Variants in ADAM22 observed in about 807,000 individuals in gnomAD.
The protein encoded by ADAM22 is ADAM metallopeptidase domain 22, also known as disintegrin and metalloproteinase domain-containing protein 22.
A neutral mutation model predicts 144.6 loss-of-function variants in ADAM22; 65 were observed. That is an observed-to-expected ratio of 0.45 (90% CI 0.37 to 0.55). The LOEUF is 0.55. Ranked by LOEUF, ADAM22 falls within the 20% of genes least tolerant of loss-of-function variation. The probability of loss-of-function intolerance (pLI) is 0.00; values close to 1 mark genes in which losing one functional copy is unlikely to be tolerated. For synonymous variants in ADAM22, 391 were observed against 412.6 expected (o/e 0.95, Z 0.63); for missense variants, 974 against 1,184.9 (o/e 0.82, Z 2.61).
intron 4 of ADAM22, among the ~76,000 whole-genome samples, chr7:88,106,214 C>T (rs553351890): frequency 1.3e-5 from 2 of 152,240 alleles, no homozygotes; most frequent in East Asian, 3.9e-4. Context: ...TGAAGTACCA[C>T]CCTATCTTCT....
intron 5 of ADAM22, among the ~76,000 whole-genome samples, chr7:88,113,743 A>ATATAT (rs1826951319): frequency 4.2e-5 from 2 of 47,274 alleles, no homozygotes; most frequent in Non-Finnish European, 8.7e-5. Context: ...TATATATAGT[A>ATATAT]AGTCCTAGAA....
rs1412825106 is a variant in ADAM22 at position 88,155,994 on chromosome 7, C to T, written c.1895C>T (p.Thr632Ile). 2 of 1,612,810 alleles carry T rather than the reference C, an allele frequency of 1.2e-6. No homozygotes were observed. Among genetic ancestry groups the T allele is most frequent in the South Asian group, 1.1e-5 (1 of 90,982 alleles). ...ACTTTAGTTGTGCAGCAAGGAAGAA[C>T]ATTAAACTGCAGGTAATTATCTAAC... ...TSTLVVQQGR[T>I]LNCSGGHVKL... Residue 632 changes from threonine to isoleucine, a missense_variant, in exon 22 of 32, where the codon ACA becomes ATA. This residue lies in a region of ADAM22 where 734 missense variants were observed against 950.6 expected (regional missense o/e 0.77). Coordinates refer to ENST00000413139, the MANE Select transcript of ADAM22 (RefSeq NM_001324418.2).
intron 2 of ADAM22, among the ~76,000 whole-genome samples, chr7:87,965,145 C>T (rs1371793612): frequency 6.6e-6 from 1 of 152,076 alleles, no homozygotes; most frequent in African/African-American, 2.4e-5. Context: ...GTTCTTGTCG[C>T]TAGAATTCTC....
chr7:88,148,700 ACTAGAAC>A (rs1397568187), intron 17 of ADAM22, among the ~76,000 whole-genome samples: 1 of 152,172 alleles, frequency 6.6e-6, no homozygotes, highest in Admixed American at 6.6e-5. Context: ...CAGAAAAATT[ACTAGAAC>A]CTGGACTAAC....
At chr7:88,038,566 T>C (rs1303199940) in intron 3 of ADAM22, among the ~76,000 whole-genome samples, 1 of 150,876 alleles carries the variant, frequency 6.6e-6, no homozygotes, top group Non-Finnish European at 1.5e-5. Context: ...GCCATTCTCC[T>C]GCCTCAGCCT....
intron 3 of ADAM22, among the ~76,000 whole-genome samples, chr7:88,016,129 G>A (rs575603242): frequency 5.3e-5 from 8 of 152,228 alleles, no homozygotes; most frequent in African/African-American, 1.9e-4. Flanking sequence ...AGTCAGACTT[G>A]CTAGTGTATG....
At chr7:88,168,625 A>G (rs1563378608) in intron 25 of ADAM22, among the ~76,000 whole-genome samples, 2 of 152,310 alleles carry the variant, frequency 1.3e-5, no homozygotes. Flanking sequence ...CATGATTTAT[A>G]TAATCTGAAA....
intron 3 of ADAM22, among the ~76,000 whole-genome samples, chr7:88,028,445 G>A (rs1458986272): frequency 6.6e-6 from 1 of 152,152 alleles, no homozygotes; most frequent in East Asian, 1.9e-4. Flanking sequence ...GGAGAAGAAT[G>A]TGTATTCTGT....
intron 3 of ADAM22, among the ~76,000 whole-genome samples, chr7:88,057,943 C>T (rs1808734245): frequency 6.6e-6 from 1 of 152,176 alleles, no homozygotes; most frequent in South Asian, 2.1e-4. Context: ...AGTAATTTTC[C>T]ATCATAACGA....
chr7:88,202,530 T>C lies in ADAM22; in HGVS notation c.*6039T>C, dbSNP rs1030167792. On this transcript the variant is annotated 3_prime_UTR_variant, in exon 32 of 32. Transcript: ENST00000413139. ...TTCACTTTTGGTAATCAGGTAATCA[T>C]GTGTATATACTTAGATTCGCATTAT... 1.3e-5 allele frequency: 2 copies of C among 152,208 alleles called. No homozygotes were observed. The highest frequency in any genetic ancestry group is 4.8e-5 in the African/African-American group (2 of 41,448). The allele number at this position is 152,208 out of a possible 1,614,324, so 9.4% of individuals were successfully genotyped here. A position where few individuals can be genotyped will look rare whatever the true frequency, so the allele number is the denominator to read the frequency against.
At chr7:88,137,836 A>AATATATATGCAAACATCTG (rs1157239007) in intron 14 of ADAM22, among the ~76,000 whole-genome samples, 3 of 152,188 alleles carry the variant, frequency 2.0e-5, no homozygotes, top group Non-Finnish European at 2.9e-5. Flanking sequence ...TGATAGAGGA[A>AATATATATGCAAACATCTG]ATATATATGC....
intron 18 of ADAM22, among the ~76,000 whole-genome samples, chr7:88,149,899 A>G (rs1260593251): frequency 6.6e-6 from 1 of 152,182 alleles, no homozygotes; most frequent in Non-Finnish European, 1.5e-5. Context: ...GCTTTATGAT[A>G]TAGAGTGAGC....
chr7:87,944,697 G>C (rs966054433), intron 2 of ADAM22, among the ~76,000 whole-genome samples: 6 of 152,114 alleles, frequency 3.9e-5, no homozygotes, highest in African/African-American at 1.4e-4. Context: ...ATACTAGGCT[G>C]GTCAGGTCAG....
chr7:88,196,385 A>C, intron 31 of ADAM22, 86 bp from the exon 32 acceptor site: 1 of 1,451,124 alleles, frequency 6.9e-7, no homozygotes, highest in Non-Finnish European at 9.7e-7. Context: ...TATGGATGGA[A>C]TCACTGAATC....
intron 2 of ADAM22, among the ~76,000 whole-genome samples, chr7:87,958,636 G>A (rs918376749): frequency 1.3e-4 from 19 of 151,878 alleles, no homozygotes; most frequent in East Asian, 1.9e-4. Flanking sequence ...TGCCCTCTTC[G>A]GCCTCCCAAA....
intron 3 of ADAM22, among the ~76,000 whole-genome samples, chr7:87,982,839 G>A (rs1184184416): frequency 6.7e-6 from 1 of 150,170 alleles, no homozygotes; most frequent in African/African-American, 2.5e-5. Flanking sequence ...GAATTACAGT[G>A]CACCACAACA....
chr7:88,141,345 C>G (rs1274937768), intron 14 of ADAM22, among the ~76,000 whole-genome samples: 1 of 152,094 alleles, frequency 6.6e-6, no homozygotes, highest in Non-Finnish European at 1.5e-5. Context: ...CAACTTAAAC[C>G]CAAGACAGCT....
chr7:88,078,567 T>G (rs1640516090), intron 4 of ADAM22, among the ~76,000 whole-genome samples: 1 of 152,112 alleles, frequency 6.6e-6, no homozygotes, highest in African/African-American at 2.4e-5. Flanking sequence ...GGAGGAAGTT[T>G]GAACCAATGG....
At chr7:88,168,385 G>T in intron 25 of ADAM22, 158 bp downstream of exon 25, 1 of 732,352 alleles carries the variant, frequency 1.4e-6, no homozygotes, top group South Asian at 1.4e-5. Context: ...TTGGCATGGC[G>T]AGAAGTGATA....
Sources: gnomAD v4.1 joint callset for allele counts (sites outside exome capture counted in the v4.1 genomes callset) on GRCh38, gnomAD v4.1.1 for gene constraint, gnomAD v4.1.1 regional missense constraint, MANE v1.5 for transcripts, NCBI Gene and HGNC (gene_info 2026-07-23, HGNC 2026-07-21) for gene names.